QTMAN: variants seen among roughly 807,000 people sequenced by gnomAD.
The protein encoded by QTMAN is tRNA-queuosine alpha-mannosyltransferase.
chr2:144,216,041 C>T, the QTMAN span, among the ~76,000 whole-genome samples: 2 of 152,146 alleles, frequency 1.3e-5, no homozygotes, highest in Non-Finnish European at 2.9e-5. Flanking sequence ...ACTTCAATTC[C>T]TTTTCCCCAA....
chr2:144,123,747 C>G, the QTMAN span, among the ~76,000 whole-genome samples: 1 of 151,976 alleles, frequency 6.6e-6, no homozygotes, highest in South Asian at 2.1e-4. Flanking sequence ...CAGTCCTTGT[C>G]TTTTTAATCT....
chr2:144,025,724 CA>C, the QTMAN span, among the ~76,000 whole-genome samples: 1 of 152,156 alleles, frequency 6.6e-6, no homozygotes, highest in African/African-American at 2.4e-5. Flanking sequence ...AAGTGCCACA[CA>C]AAAGACCCAA....
At chr2:144,010,801 A>G in the QTMAN span, among the ~76,000 whole-genome samples, 1 of 152,166 alleles carries the variant, frequency 6.6e-6, no homozygotes, top group South Asian at 2.1e-4. Context: ...AGGGTACATA[A>G]TAAGAGTCTC....
chr2:144,002,369 C>T, the QTMAN span, among the ~76,000 whole-genome samples: 1 of 151,866 alleles, frequency 6.6e-6, no homozygotes, highest in Non-Finnish European at 1.5e-5. Flanking sequence ...CAAAGAACAA[C>T]TGACAGATAA....
chr2:144,070,101 C>T, the QTMAN span, among the ~76,000 whole-genome samples: 20 of 152,066 alleles, frequency 1.3e-4, no homozygotes, highest in African/African-American at 4.8e-4. Flanking sequence ...TCAATCTAAT[C>T]TAATTTTACC....
the QTMAN span, among the ~76,000 whole-genome samples, chr2:144,126,312 A>G: frequency 6.6e-6 from 1 of 151,736 alleles, no homozygotes; most frequent in Non-Finnish European, 1.5e-5. Flanking sequence ...ACAACAAGAA[A>G]CAAACAAACA....
At chr2:144,134,508 C>T in the QTMAN span, among the ~76,000 whole-genome samples, 7 of 152,234 alleles carry the variant, frequency 4.6e-5, no homozygotes, top group East Asian at 3.9e-4. Context: ...TATATAATCC[C>T]TATTCCAGGG....
the QTMAN span, among the ~76,000 whole-genome samples, chr2:144,191,929 T>A: frequency 6.6e-6 from 1 of 152,160 alleles, no homozygotes; most frequent in African/African-American, 2.4e-5. Context: ...ACAAAAATAA[T>A]AGAATACTGT....
the QTMAN span, among the ~76,000 whole-genome samples, chr2:144,300,521 C>T: frequency 6.6e-6 from 1 of 152,182 alleles, no homozygotes; most frequent in Non-Finnish European, 1.5e-5. Flanking sequence ...GCAATCCATT[C>T]ATCCATTACC....
chr2:144,035,146 C>T, the QTMAN span, among the ~76,000 whole-genome samples: 126 of 152,238 alleles, frequency 8.3e-4, no homozygotes, highest in Middle Eastern at 6.8e-3. Flanking sequence ...TCTTGTCCTA[C>T]TTGGTCATTT....
the QTMAN span, among the ~76,000 whole-genome samples, chr2:143,995,464 C>T: frequency 2.6e-4 from 39 of 152,188 alleles, no homozygotes; most frequent in Non-Finnish European, 4.7e-4. Flanking sequence ...TTACTCTGTG[C>T]CAGGAACTGT....
At chr2:144,271,797 G>C in the QTMAN span, among the ~76,000 whole-genome samples, 1 of 152,084 alleles carries the variant, frequency 6.6e-6, no homozygotes, top group Non-Finnish European at 1.5e-5. Flanking sequence ...ATATCTATAG[G>C]GAAGGAAAAT....
the QTMAN span, among the ~76,000 whole-genome samples, chr2:144,083,801 CGAA>C: frequency 0.16 from 25,042 of 151,860 alleles, 3,961 homozygotes; most frequent in African/African-American, 0.4. Flanking sequence ...TCACCCAGCC[CGAA>C]GTTTCTATAC....
At chr2:144,141,762 A>T in the QTMAN span, 1 of 686,790 alleles carries the variant, frequency 1.5e-6, no homozygotes, top group Non-Finnish European at 2.5e-6. Flanking sequence ...GATAGAACTT[A>T]ATTCTCTAAC....
chr2:144,182,837 A>AT, the QTMAN span, among the ~76,000 whole-genome samples: 10 of 70,466 alleles, frequency 1.4e-4, no homozygotes, highest in African/African-American at 4.8e-4. Context: ...TAATATATAT[A>AT]TATTATATAT....
the QTMAN span, among the ~76,000 whole-genome samples, chr2:144,325,857 T>G: frequency 6.6e-6 from 1 of 152,242 alleles, no homozygotes; most frequent in African/African-American, 2.4e-5. Context: ...CATTGCATTT[T>G]TAATACGGAG....
At chr2:143,996,852 G>T in the QTMAN span, among the ~76,000 whole-genome samples, 5 of 151,980 alleles carry the variant, frequency 3.3e-5, 1 homozygote, top group Non-Finnish European at 1.5e-5. Context: ...TTTTGGTGGG[G>T]AAAGAAATGA....
chr2:144,259,580 G>A, the QTMAN span, among the ~76,000 whole-genome samples: 1 of 152,254 alleles, frequency 6.6e-6, no homozygotes, highest in Non-Finnish European at 1.5e-5. Flanking sequence ...CTGGGGTTTT[G>A]CTATTCAGGA....
At chr2:144,086,161 A>G in the QTMAN span, among the ~76,000 whole-genome samples, 1 of 152,124 alleles carries the variant, frequency 6.6e-6, no homozygotes, top group South Asian at 2.1e-4. Context: ...GAGGTTAAAG[A>G]GCTCCTAGTT....
Sources: gnomAD v4.1 joint callset for allele counts (sites outside exome capture counted in the v4.1 genomes callset) on GRCh38, gnomAD v4.1.1 for gene constraint, MANE v1.5 for transcripts, NCBI Gene and HGNC (gene_info 2026-07-23, HGNC 2026-07-21) for gene names.